Variants in GPHN observed in about 807,000 individuals in gnomAD.
The protein encoded by GPHN is gephyrin.
A neutral mutation model predicts 95.5 loss-of-function variants in GPHN; 17 were observed. The observed-to-expected ratio is 0.18, with a 90% confidence interval of 0.12 to 0.27. GPHN has a LOEUF of 0.27. Among genes scored for constraint, GPHN ranks in the 10% least tolerant of loss-of-function variants. The probability of loss-of-function intolerance (pLI) is 1.00; values close to 1 mark genes in which losing one functional copy is unlikely to be tolerated. For missense variants in GPHN, 660 were observed against 978.1 expected (o/e 0.67, Z 4.34); for synonymous variants, 320 against 322.5 (o/e 0.99, Z 0.08).
chr14:67,199,157 GTTTC>G, the GPHN span: 1 of 1,586,262 alleles, frequency 6.3e-7, no homozygotes, highest in Non-Finnish European at 8.7e-7. Context: ...TGTGGGAACT[GTTTC>G]TCCAGGCTGG....
At chr14:67,530,651 G>A in the GPHN span, among the ~76,000 whole-genome samples, 1 of 152,196 alleles carries the variant, frequency 6.6e-6, no homozygotes, top group South Asian at 2.1e-4. Context: ...GGCTTAATGT[G>A]CTTGAGGGAT....
At chr14:66,617,692 C>T (rs1413226807) in intron 1 of GPHN, among the ~76,000 whole-genome samples, 1 of 151,936 alleles carries the variant, frequency 6.6e-6, no homozygotes, top group Non-Finnish European at 1.5e-5. Context: ...TTCCCTTTTT[C>T]CTAGGTCGCT....
At chr14:67,421,388 G>A in the GPHN span, among the ~76,000 whole-genome samples, 1 of 152,098 alleles carries the variant, frequency 6.6e-6, no homozygotes. Flanking sequence ...TATGTGGACC[G>A]ACCTCCACTT....
chr14:66,582,769 T>A (rs1566642420), intron 1 of GPHN, among the ~76,000 whole-genome samples: 1 of 152,196 alleles, frequency 6.6e-6, no homozygotes, highest in Non-Finnish European at 1.5e-5. Flanking sequence ...CACATTTTCT[T>A]AATCCAGTCT....
chr14:66,561,845 A>G (rs1000347724), intron 1 of GPHN, among the ~76,000 whole-genome samples: 10 of 152,122 alleles, frequency 6.6e-5, no homozygotes, highest in East Asian at 1.9e-4. Context: ...CAAGGTGTCA[A>G]TAGGGCTGCA....
the GPHN span, among the ~76,000 whole-genome samples, chr14:67,538,237 C>T: frequency 1.3e-5 from 2 of 152,098 alleles, no homozygotes; most frequent in African/African-American, 4.8e-5. Context: ...TATCTGCTAC[C>T]ACTACTGAAG....
chr14:67,473,473 C>T, the GPHN span: 3 of 1,614,048 alleles, frequency 1.9e-6, no homozygotes, highest in Non-Finnish European at 2.5e-6. This position sits in a 1 kb window ranked among gnomAD's most constrained non-coding sequence, Gnocchi z 6.5. Flanking sequence ...CTGGGCTCCC[C>T]GGGCTCAGCG....
At chr14:67,315,786 A>G in the GPHN span, among the ~76,000 whole-genome samples, 1 of 152,184 alleles carries the variant, frequency 6.6e-6, no homozygotes, top group African/African-American at 2.4e-5. Flanking sequence ...TTAGCTGGGC[A>G]TGGTGGCGGG....
chr14:67,198,333 C>T, the GPHN span: 1 of 1,606,168 alleles, frequency 6.2e-7, no homozygotes, highest in East Asian at 2.2e-5. Context: ...AAATCATATT[C>T]AAGGCCTGAG....
chr14:67,607,366 T>G, the GPHN span, among the ~76,000 whole-genome samples: 7 of 152,058 alleles, frequency 4.6e-5, no homozygotes, highest in African/African-American at 1.4e-4. Context: ...TTTGTTTGTT[T>G]GTTTTTGTTT....
At chr14:67,340,455 C>G in the GPHN span, 1 of 1,613,836 alleles carries the variant, frequency 6.2e-7, no homozygotes, top group Non-Finnish European at 8.5e-7. Flanking sequence ...GAACTCTTCT[C>G]GCTCTCTCTC....
the GPHN span, among the ~76,000 whole-genome samples, chr14:67,469,646 CTGG>C: frequency 7.3e-5 from 11 of 150,034 alleles, no homozygotes; most frequent in Non-Finnish European, 1.2e-4. Context: ...GGGCAGCGGC[CTGG>C]TGGTGGTGGT....
chr14:67,245,045 A>C, the GPHN span, among the ~76,000 whole-genome samples: 1 of 152,230 alleles, frequency 6.6e-6, no homozygotes, highest in Admixed American at 6.5e-5. Flanking sequence ...CAAACTAAGG[A>C]ATATGAGTGG....
chr14:67,267,057 A>T, the GPHN span, among the ~76,000 whole-genome samples: 1 of 151,902 alleles, frequency 6.6e-6, no homozygotes, highest in Non-Finnish European at 1.5e-5. Context: ...CCAGTGAGCC[A>T]AGATTGTGCC....
At chr14:66,885,191 A>C (rs2064127415) in intron 5 of GPHN, among the ~76,000 whole-genome samples, 1 of 152,106 alleles carries the variant, frequency 6.6e-6, no homozygotes, top group Non-Finnish European at 1.5e-5. Context: ...AACCCACACC[A>C]AATATACTTA....
At chr14:67,007,140 T>C (rs1373230760) in intron 9 of GPHN, among the ~76,000 whole-genome samples, 2 of 152,210 alleles carry the variant, frequency 1.3e-5, no homozygotes, top group Non-Finnish European at 1.5e-5. Context: ...AATTTTTACT[T>C]GGTAGAAAAT....
the GPHN span, chr14:67,584,232 A>T: frequency 9.2e-7 from 1 of 1,092,748 alleles, no homozygotes; most frequent in Non-Finnish European, 1.3e-6. Context: ...TAACCACCAG[A>T]GGTCACTATC....
intron 9 of GPHN, among the ~76,000 whole-genome samples, chr14:67,015,820 A>G (rs1191881720): frequency 6.6e-6 from 1 of 152,050 alleles, no homozygotes; most frequent in East Asian, 1.9e-4. Flanking sequence ...TTATGTGTGT[A>G]TGTGTGTGTG....
intron 1 of GPHN, among the ~76,000 whole-genome samples, chr14:66,516,014 T>C (rs889808425): frequency 1.4e-5 from 1 of 72,200 alleles, no homozygotes; most frequent in Non-Finnish European, 2.1e-5. Flanking sequence ...TTGATACACA[T>C]TTTTTTTTTT....
Sources: allele counts gnomAD v4.1 joint callset (sites outside exome capture counted in the v4.1 genomes callset), GRCh38; gene constraint gnomAD v4.1.1; non-coding constraint Gnocchi (gnomAD v3.1); transcripts MANE v1.5; gene names NCBI Gene and HGNC (gene_info 2026-07-23, HGNC 2026-07-21).